The following SPP2 variants were observed in gnomAD, a reference collection of about 807,000 sequenced individuals.
SPP2 encodes secreted phosphoprotein 24.
Under a neutral mutation model 28.8 loss-of-function variants are expected in SPP2, and 34 were observed. The observed-to-expected ratio is 1.18, with a 90% CI of 0.90 to 1.57. The LOEUF (loss-of-function observed/expected upper bound fraction) is 1.57, where lower values mean the gene tolerates loss of function less well. Ranked by LOEUF, SPP2 falls within the 40% of genes most tolerant of loss-of-function variation. The pLI, the probability that SPP2 is intolerant of heterozygous loss-of-function variation, is 0.00. For missense variants in SPP2, 269 were observed against 263.9 expected (o/e 1.02, Z -0.13); for synonymous variants, 96 against 89.4 (o/e 1.07, Z -0.42).
rs28904003 is a variant in SPP2, at chr2:234,060,886, G to A, written c.444+407G>A. ...AAGTATGTGGCTCGCTGGCACTGTG[G>A]TTTAGTGCAATCAAGAAGGACATTT... On this transcript the variant is annotated intron_variant, in intron 4 of 7. Transcript: ENST00000168148. Among the ~76,000 whole-genome samples the A allele has an allele frequency of 9.6e-4, 146 of 152,222 alleles. 1 individual carries two copies. Among genetic ancestry groups the A allele is most frequent in the African/African-American group, 3.3e-3 (138 of 41,524 alleles).
intron 7 of SPP2, among the ~76,000 whole-genome samples, chr2:234,073,709 G>A (rs1690839473): frequency 6.6e-6 from 1 of 152,068 alleles, no homozygotes; most frequent in South Asian, 2.1e-4. Flanking sequence ...ATTATGTAGT[G>A]GCCAGAAGAC....
chr2:234,052,792 C>G (rs890495601), intron 2 of SPP2, among the ~76,000 whole-genome samples: 1 of 152,168 alleles, frequency 6.6e-6, no homozygotes, highest in Non-Finnish European at 1.5e-5. Context: ...TTGTTGAGAA[C>G]TCTATTTCTT....
At chr2:234,057,734 G>A (rs1693636927) in intron 2 of SPP2, among the ~76,000 whole-genome samples, 1 of 152,188 alleles carries the variant, frequency 6.6e-6, no homozygotes, top group Non-Finnish European at 1.5e-5. Flanking sequence ...TTCCTTTGTG[G>A]AAAGGAGAAG....
At position 234,052,902 on chromosome 2, in the gene SPP2, C is replaced by G. The variant is rs144941215; in HGVS notation, c.210+1807C>G. Among the ~76,000 whole-genome samples the G allele has an allele frequency of 1.2e-4, 19 of 152,070 alleles. No homozygotes were observed. The East Asian group carries it at 2.5e-3, about 20-fold the overall frequency. The stretch of plus-strand genomic sequence containing the variant: ...TTTGATTTATGTTGTGTGTATTAAC[C>G]ATGTCTTCTATAAACACCCTATAGA... On this transcript the variant is annotated intron_variant, in intron 2 of 7. Coordinates refer to ENST00000168148, the MANE Select transcript of SPP2 (RefSeq NM_006944.3).
At chr2:234,055,803 C>T (rs1693593857) in intron 2 of SPP2, among the ~76,000 whole-genome samples, 1 of 150,706 alleles carries the variant, frequency 6.6e-6, no homozygotes, top group African/African-American at 2.4e-5. Context: ...TGTAAATTCT[C>T]ATAATTTGTT....
chr2:234,068,054 C>A (rs1693862728), intron 6 of SPP2, among the ~76,000 whole-genome samples: 1 of 152,102 alleles, frequency 6.6e-6, no homozygotes, highest in African/African-American at 2.4e-5. Context: ...AACCAAATTT[C>A]TCACCAAATG....
chr2:234,051,315 A>T (rs184068430), intron 2 of SPP2, among the ~76,000 whole-genome samples: 214 of 152,226 alleles, frequency 1.4e-3, no homozygotes, highest in African/African-American at 4.7e-3. Flanking sequence ...CTTCTGCTGT[A>T]TTCTCCTCTC....
At chr2:234,056,584 C>G (rs892538759) in intron 2 of SPP2, among the ~76,000 whole-genome samples, 3 of 152,186 alleles carry the variant, frequency 2.0e-5, no homozygotes, top group African/African-American at 7.2e-5. Flanking sequence ...ACATTTTCAT[C>G]TTTTCAGCTA....
chr2:234,073,855 A>C (rs1690843978), intron 7 of SPP2, among the ~76,000 whole-genome samples: 3 of 152,342 alleles, frequency 2.0e-5, no homozygotes, highest in African/African-American at 7.2e-5. Context: ...TTTGTCAATA[A>C]GGGCACAGTA....
intron 4 of SPP2, among the ~76,000 whole-genome samples, chr2:234,065,266 G>A (rs756319844): frequency 1.3e-4 from 19 of 151,974 alleles, no homozygotes; most frequent in African/African-American, 2.7e-4. Context: ...TGAGTGTGAC[G>A]TGGTATCTCA....
intron 3 of SPP2, 89 bp from the exon 4 acceptor site, chr2:234,060,280 C>T: frequency 2.3e-6 from 2 of 887,326 alleles, no homozygotes; most frequent in Non-Finnish European, 3.6e-6. Context: ...TTTCGTCAAA[C>T]CTGACATTTA....
chr2:234,057,502 C>T (rs1403023072), intron 2 of SPP2, among the ~76,000 whole-genome samples: 2 of 152,226 alleles, frequency 1.3e-5, no homozygotes, highest in East Asian at 1.9e-4. Flanking sequence ...CCCTCACCCC[C>T]ATTGCCATGT....
intron 7 of SPP2, among the ~76,000 whole-genome samples, chr2:234,074,707 C>T (rs1690861332): frequency 6.6e-6 from 1 of 152,160 alleles, no homozygotes; most frequent in Non-Finnish European, 1.5e-5. Flanking sequence ...ATAGGCAATG[C>T]AGGGTTAGAA....
chr2:234,057,735 A>AAAGGAG (rs1201211209), intron 2 of SPP2, among the ~76,000 whole-genome samples: 2 of 152,212 alleles, frequency 1.3e-5, no homozygotes, highest in Non-Finnish European at 2.9e-5. Flanking sequence ...TCCTTTGTGG[A>AAAGGAG]AAGGAGAAGA....
chr2:234,057,149 G>T (rs1693625126), intron 2 of SPP2, among the ~76,000 whole-genome samples: 1 of 152,064 alleles, frequency 6.6e-6, no homozygotes, highest in Non-Finnish European at 1.5e-5. Flanking sequence ...CTGCCCCCTT[G>T]TTCCTGCCCC....
intron 7 of SPP2, among the ~76,000 whole-genome samples, chr2:234,075,825 T>C (rs189778771): frequency 1.6e-4 from 24 of 152,246 alleles, no homozygotes; most frequent in African/African-American, 5.5e-4. Flanking sequence ...CAAAATGCAA[T>C]TCTTCCCTCG....
chr2:234,062,918 G>A (rs1489668198), intron 4 of SPP2, among the ~76,000 whole-genome samples: 1 of 152,144 alleles, frequency 6.6e-6, no homozygotes, highest in Non-Finnish European at 1.5e-5. Flanking sequence ...CAGATATTAA[G>A]TTAGCCCTTG....
At chr2:234,060,881 C>T (rs1313207261) in intron 4 of SPP2, among the ~76,000 whole-genome samples, 1 of 152,104 alleles carries the variant, frequency 6.6e-6, no homozygotes, top group Admixed American at 6.5e-5. Context: ...CTCGCTGGCA[C>T]TGTGGTTTAG....
In SPP2 at chr2:234,070,140, G is replaced by A. The variant is rs553042262; in HGVS notation, c.*10+117G>A. ...TATGCTATTCAAATCCTTGCTTTTC[G>A]GCTTCTCTGACCTCCTTCCCAAGAC... On this transcript the variant is annotated intron_variant, in intron 7 of 7. Transcript: ENST00000168148. 210 of 753,530 alleles carry A rather than the reference G, an allele frequency of 2.8e-4. 3 individuals carry two copies. The highest frequency in any genetic ancestry group is 2.0e-3 in the South Asian group (127 of 63,086). The allele number at this position is 753,530 out of a possible 1,614,324, so 46.7% of individuals were successfully genotyped here. A position where few individuals can be genotyped will look rare whatever the true frequency, so the allele number is the denominator to read the frequency against.
Sources: gnomAD v4.1 joint callset for allele counts (sites outside exome capture counted in the v4.1 genomes callset) on GRCh38, gnomAD v4.1.1 for gene constraint, MANE v1.5 for transcripts, NCBI Gene and HGNC (gene_info 2026-07-23, HGNC 2026-07-21) for gene names.